Variants in DDX10 observed in about 807,000 individuals in gnomAD.
The protein encoded by DDX10 is DEAD-box helicase 10, also known as probable ATP-dependent RNA helicase DDX10.
A neutral mutation model predicts 104.3 loss-of-function variants in DDX10; 74 were observed. That is an observed-to-expected ratio of 0.71 (90% CI 0.59 to 0.86). The LOEUF is 0.86. DDX10 is among the 40% of genes least tolerant of loss of function. The pLI is 0.00. For missense variants in DDX10, 952 were observed against 1,040.0 expected, an observed-to-expected ratio of 0.92 and a Z score of 1.16; for synonymous variants, 351 against 353.4, an observed-to-expected ratio of 0.99 and a Z score of 0.08.
intron 13 of DDX10, among the ~76,000 whole-genome samples, chr11:108,797,496 T>G (rs919666497): frequency 6.6e-6 from 1 of 152,198 alleles, no homozygotes; most frequent in South Asian, 2.1e-4. Flanking sequence ...CACTAAGATA[T>G]AACAAAATAG....
chr11:108,692,653 T>C (rs555070235), intron 8 of DDX10, among the ~76,000 whole-genome samples: 254 of 152,326 alleles, frequency 1.7e-3, no homozygotes, highest in Middle Eastern at 3.4e-3. Flanking sequence ...AAAAGCTGAA[T>C]ATGTTTAATC....
chr11:108,854,019 C>G (rs182323342), intron 16 of DDX10, among the ~76,000 whole-genome samples: 14 of 152,218 alleles, frequency 9.2e-5, no homozygotes, highest in Admixed American at 5.2e-4. Context: ...AGATGGTAGC[C>G]CTTTTGTAAG....
At chr11:108,868,492 A>G (rs2726912) in intron 16 of DDX10, among the ~76,000 whole-genome samples, 1 of 151,744 alleles carries the variant, frequency 6.6e-6, no homozygotes, top group Non-Finnish European at 1.5e-5. Context: ...TTACCTTATT[A>G]TTTGCCACAT....
intron 16 of DDX10, among the ~76,000 whole-genome samples, chr11:108,912,796 C>G (rs900342324): frequency 6.6e-6 from 1 of 152,204 alleles, no homozygotes; most frequent in African/African-American, 2.4e-5. Flanking sequence ...AGTGTTTCCT[C>G]TGCCCTATTG....
intron 16 of DDX10, among the ~76,000 whole-genome samples, chr11:108,873,695 AAGG>A (rs1863112835): frequency 6.6e-6 from 1 of 152,202 alleles, no homozygotes; most frequent in South Asian, 2.1e-4. Context: ...ATTGTCCAAG[AAGG>A]AGAATTCAGA....
At chr11:108,747,958 A>G (rs1431700468) in intron 13 of DDX10, among the ~76,000 whole-genome samples, 2 of 152,142 alleles carry the variant, frequency 1.3e-5, no homozygotes, top group African/African-American at 4.8e-5. Flanking sequence ...GTGAAAAAAA[A>G]ATTGTCTGTG....
At chr11:108,697,850 T>G (rs1591794705) in intron 9 of DDX10, among the ~76,000 whole-genome samples, 1 of 152,336 alleles carries the variant, frequency 6.6e-6, no homozygotes, top group East Asian at 1.9e-4. Context: ...ACATCAGATA[T>G]TCTCAACTTT....
At chr11:108,733,275 C>T (rs1173983464) in intron 13 of DDX10, among the ~76,000 whole-genome samples, 1 of 152,070 alleles carries the variant, frequency 6.6e-6, no homozygotes, top group Admixed American at 6.6e-5. Context: ...GATGTTTCTG[C>T]CTCTTGTCTC....
At chr11:108,866,715 T>A (rs971069912) in intron 16 of DDX10, among the ~76,000 whole-genome samples, 1 of 152,194 alleles carries the variant, frequency 6.6e-6, no homozygotes, top group Non-Finnish European at 1.5e-5. Flanking sequence ...TGCTAAGGCA[T>A]GTCATTTAGT....
intron 13 of DDX10, among the ~76,000 whole-genome samples, chr11:108,831,925 A>G (rs1470641851): frequency 6.6e-6 from 1 of 152,084 alleles, no homozygotes; most frequent in Admixed American, 6.5e-5. Flanking sequence ...GTGACTACCA[A>G]TTTTGTATTT....
intron 17 of DDX10, among the ~76,000 whole-genome samples, chr11:108,939,983 A>G (rs554897115): frequency 6.6e-6 from 1 of 152,230 alleles, no homozygotes; most frequent in East Asian, 1.9e-4. Flanking sequence ...CAAATTGTGG[A>G]TGATACAGCT....
chr11:108,853,000 G>T (rs1290314761), intron 16 of DDX10, among the ~76,000 whole-genome samples: 2 of 152,002 alleles, frequency 1.3e-5, no homozygotes, highest in Non-Finnish European at 2.9e-5. Context: ...TTCCATGCTG[G>T]CCATAGCACT....
intron 9 of DDX10, among the ~76,000 whole-genome samples, chr11:108,694,756 C>T (rs2094257354): frequency 6.6e-6 from 1 of 152,126 alleles, no homozygotes; most frequent in Non-Finnish European, 1.5e-5. Context: ...TGGTGTGCGC[C>T]TGTAGTCTCA....
chr11:108,928,338 C>G (rs1863934281), intron 17 of DDX10, among the ~76,000 whole-genome samples: 1 of 152,170 alleles, frequency 6.6e-6, no homozygotes, highest in Admixed American at 6.5e-5. Context: ...CTGATCCTGG[C>G]AGGGTGTTCT....
intron 13 of DDX10, among the ~76,000 whole-genome samples, chr11:108,735,491 G>A (rs1382796488): frequency 1.3e-5 from 2 of 152,112 alleles, no homozygotes; most frequent in African/African-American, 4.8e-5. Flanking sequence ...ATGATCAGAG[G>A]TGGTCACCAT....
intron 16 of DDX10, among the ~76,000 whole-genome samples, chr11:108,872,696 G>A (rs1158548726): frequency 1.3e-5 from 2 of 152,134 alleles, no homozygotes; most frequent in Non-Finnish European, 2.9e-5. Flanking sequence ...GTGAATTGTG[G>A]CACCCAGTGG....
chr11:108,817,943 T>C (rs190070818), intron 13 of DDX10, among the ~76,000 whole-genome samples: 215 of 152,358 alleles, frequency 1.4e-3, no homozygotes, highest in Non-Finnish European at 2.7e-3. Flanking sequence ...GCTGCTACTT[T>C]GGAGAAGCAC....
chr11:108,910,212 G>A (rs1591121641), intron 16 of DDX10, among the ~76,000 whole-genome samples: 1 of 152,124 alleles, frequency 6.6e-6, no homozygotes, highest in African/African-American at 2.4e-5. Flanking sequence ...CAAAAACACT[G>A]TATAGGCACA....
intron 1 of DDX10, among the ~76,000 whole-genome samples, chr11:108,672,084 A>G (rs1250938642): frequency 1.3e-5 from 2 of 151,758 alleles, no homozygotes; most frequent in Non-Finnish European, 2.9e-5. Flanking sequence ...AAAAAAAAAA[A>G]AAGGAATATG....
Sources: gnomAD v4.1 joint callset for allele counts (sites outside exome capture counted in the v4.1 genomes callset) on GRCh38, gnomAD v4.1.1 for gene constraint, MANE v1.5 for transcripts, NCBI Gene and HGNC (gene_info 2026-07-23, HGNC 2026-07-21) for gene names.